MS4A18: variants seen among roughly 807,000 people sequenced by gnomAD.
MS4A18 encodes the protein membrane-spanning 4-domains subfamily A member 18.
Under a neutral mutation model 13.1 loss-of-function variants are expected in MS4A18, and 27 were observed. That is an observed-to-expected ratio of 2.06 (90% CI 1.52 to 2.84). The LOEUF is 2.84. Ranked by LOEUF, MS4A18 falls within the 30% of genes most tolerant of loss-of-function variation. The pLI, the probability that MS4A18 is intolerant of heterozygous loss-of-function variation, is 0.00. For synonymous variants in MS4A18, 126 were observed against 76.5 expected, an observed-to-expected ratio of 1.65 and a Z score of -3.38; for missense variants, 307 against 196.4, an observed-to-expected ratio of 1.56 and a Z score of -3.37.
chr11:60,731,868 T>G (rs912861181), intron 1 of MS4A18, among the ~76,000 whole-genome samples: 1 of 152,148 alleles, frequency 6.6e-6, no homozygotes, highest in Non-Finnish European at 1.5e-5. Context: ...TGCTTCAGCC[T>G]CAAGAGTGTG....
rs535899184 is a variant in MS4A18 at position 60,729,689 on chromosome 11, C to T, written c.374C>T (p.Thr125Ile). 157 of 702,808 alleles carry T rather than the reference C, an allele frequency of 2.2e-4. 1 individual carries two copies. The African/African-American group carries it at 2.3e-3, about 10-fold the overall frequency. 43.5% of individuals were successfully genotyped at this position (702,808 alleles called of 1,614,324 possible). A position where few individuals can be genotyped will look rare whatever the true frequency, so the allele number is the denominator to read the frequency against. The change falls in exon 1 of 6, where the codon ACA becomes ATA. Residue 125 changes from threonine (T) to isoleucine (I), a missense_variant. Physicochemically the swap from Thr to Ile is moderately conservative, Grantham distance 89. Transcript: ENST00000529108. ...CCTCTGAATGCTAACCCTGGGCTGA[C>T]ACACACCTCAAACTCATCCCAGTGG...
chr11:60,742,760 C>T (rs1263389188), intron 5 of MS4A18, among the ~76,000 whole-genome samples: 1 of 152,168 alleles, frequency 6.6e-6, no homozygotes, highest in Non-Finnish European at 1.5e-5. Flanking sequence ...TCTTCTTTGC[C>T]TCTAAATACC....
rs1420815065 is a variant in MS4A18 at position 60,733,427 on chromosome 11, C to A, written c.478-107C>A. 1.2e-5 allele frequency: 8 copies of A among 674,686 alleles called. No individual in the cohort carries two copies. The East Asian group carries it at 2.2e-4, about 18-fold the overall frequency. The allele number at this position is 674,686 out of a possible 1,614,324, so 41.8% of individuals were successfully genotyped here. The stretch of plus-strand genomic sequence containing the variant: ...TTGGTCTGGGATGAGCCCCCAACAC[C>A]AATCACCCCTGGGGTGATTCTGGGG... On this transcript the variant is annotated intron_variant, in intron 1 of 5. Coordinates refer to ENST00000529108, the Ensembl canonical transcript of MS4A18.
chr11:60,729,616 A>T, exon 1 of MS4A18: 2 of 702,774 alleles, frequency 2.8e-6, no homozygotes, highest in South Asian at 3.0e-5. Flanking sequence ...GATCCAATAC[A>T]CACAGGGAAC....
At chr11:60,739,079 T>A (rs1853382127) in intron 4 of MS4A18, 82 bp downstream of exon 5, 1 of 676,494 alleles carries the variant, frequency 1.5e-6, no homozygotes, top group African/African-American at 1.8e-5. Flanking sequence ...CAGAATGGAA[T>A]TGCCCCAGAA....
exon 6 of MS4A18, chr11:60,744,069 C>T: frequency 4.6e-6 from 3 of 648,848 alleles, no homozygotes; most frequent in Non-Finnish European, 8.4e-6. Context: ...TGTATCTTTT[C>T]TTCTCCCTGA....
intron 2 of MS4A18, among the ~76,000 whole-genome samples, chr11:60,734,883 G>T (rs1314400557): frequency 6.6e-6 from 1 of 151,616 alleles, no homozygotes; most frequent in Non-Finnish European, 1.5e-5. Context: ...CTGGGTTCAA[G>T]AAATTCTCCT....
intron 5 of MS4A18, 121 bp from the exon 7 acceptor site, chr11:60,743,529 C>T: frequency 1.6e-6 from 1 of 627,870 alleles, no homozygotes; most frequent in Non-Finnish European, 2.8e-6. Flanking sequence ...CATGACCAAG[C>T]CCAGCATCAG....
At chr11:60,738,648 C>G (rs1225004922) in intron 3 of MS4A18, among the ~76,000 whole-genome samples, 1 of 151,944 alleles carries the variant, frequency 6.6e-6, no homozygotes, top group East Asian at 1.9e-4. Context: ...ATCTCTACAA[C>G]AAACCCCCAT....
At chr11:60,735,662 T>TTTTTTTTTG (rs1853328159) in intron 2 of MS4A18, among the ~76,000 whole-genome samples, 1 of 93,872 alleles carries the variant, frequency 1.1e-5, no homozygotes, top group African/African-American at 5.2e-5. Context: ...ATTCCCTTGC[T>TTTTTTTTTG]TTTTTTTTTT....
intron 1 of MS4A18, among the ~76,000 whole-genome samples, chr11:60,730,382 CTT>C (rs1233746696): frequency 6.6e-6 from 1 of 152,204 alleles, no homozygotes; most frequent in Non-Finnish European, 1.5e-5. Flanking sequence ...CTGGCCAACT[CTT>C]AGTATGGAGA....
At chr11:60,727,230 C>T (rs554001404), upstream of MS4A18, among the ~76,000 whole-genome samples, 3 of 152,270 alleles carry the variant, frequency 2.0e-5, no homozygotes, top group South Asian at 6.2e-4. Flanking sequence ...TGGTCTCTAC[C>T]TTTCAACAAA....
chr11:60,730,902 GGCTA>G (rs745699923), intron 1 of MS4A18, among the ~76,000 whole-genome samples: 4 of 152,290 alleles, frequency 2.6e-5, no homozygotes, highest in Admixed American at 6.5e-5. Flanking sequence ...AGACCATCCT[GGCTA>G]ACATGGTGAA....
chr11:60,724,877 G>T (rs1052312862), upstream of MS4A18, among the ~76,000 whole-genome samples: 1 of 152,136 alleles, frequency 6.6e-6, no homozygotes, highest in East Asian at 1.9e-4. Context: ...GCGGTCCCTC[G>T]GAAGTGTCTC....
At chr11:60,728,513 ATGTG>A (rs147898510), upstream of MS4A18, among the ~76,000 whole-genome samples, 36 of 113,864 alleles carry the variant, frequency 3.2e-4, 1 homozygote, top group Non-Finnish European at 5.5e-4. Context: ...GTGTGTGTGT[ATGTG>A]TGTGTGTGTG....
intron 1 of MS4A18, among the ~76,000 whole-genome samples, chr11:60,732,951 T>G (rs780829291): frequency 5.3e-5 from 8 of 152,232 alleles, no homozygotes; most frequent in Non-Finnish European, 7.3e-5. Flanking sequence ...GAGTTATTTC[T>G]AAACAGAACT....
At position 60,733,662 on chromosome 11, in the gene MS4A18, A is replaced by G. The variant is rs1392765230; in HGVS notation, c.591+15A>G. On this transcript the variant is annotated intron_variant, in intron 2 of 5. Coordinates refer to ENST00000529108, the Ensembl canonical transcript of MS4A18. ...GAGGATTATCCGTGAGTACAAGGCC[A>G]TATGGTCTCCTTCCTGGGTCACCAG... 3 of 703,458 alleles carry G rather than the reference A, an allele frequency of 4.3e-6. No homozygotes were observed. The highest frequency in any genetic ancestry group is 7.8e-6 in the Non-Finnish European group (3 of 385,124). 43.6% of individuals were successfully genotyped at this position (703,458 alleles called of 1,614,324 possible).
chr11:60,731,465 T>C (rs557393937), intron 1 of MS4A18, among the ~76,000 whole-genome samples: 1 of 152,230 alleles, frequency 6.6e-6, no homozygotes, highest in East Asian at 1.9e-4. Context: ...CTTTTCCCGA[T>C]TGCCCCAAGA....
At chr11:60,739,643 C>T (rs1472240451) in intron 4 of MS4A18, among the ~76,000 whole-genome samples, 1 of 152,150 alleles carries the variant, frequency 6.6e-6, no homozygotes, top group Non-Finnish European at 1.5e-5. Context: ...CCACCAACTC[C>T]CCTCAATCAT....
Sources: gnomAD v4.1 joint callset for allele counts (sites outside exome capture counted in the v4.1 genomes callset) on GRCh38, gnomAD v4.1.1 for gene constraint, MANE v1.5 for transcripts, NCBI Gene and HGNC (gene_info 2026-07-23, HGNC 2026-07-21) for gene names.